VAV2: variants seen among roughly 807,000 people sequenced by gnomAD.
The protein encoded by VAV2 is vav guanine nucleotide exchange factor 2, also known as guanine nucleotide exchange factor VAV2.
VAV2 carries 67 observed loss-of-function variants against 132.5 expected under a neutral mutation model. The observed-to-expected ratio is 0.51, with a 90% CI of 0.42 to 0.62. The LOEUF (loss-of-function observed/expected upper bound fraction) is 0.62, where lower values mean the gene tolerates loss of function less well. Ranked by LOEUF, VAV2 falls within the 20% of genes least tolerant of loss-of-function variation. The pLI is 0.00. For synonymous variants in VAV2, 492 were observed against 443.5 expected, an observed-to-expected ratio of 1.11 and a Z score of -1.37; for missense variants, 938 against 1,153.6, an observed-to-expected ratio of 0.81 and a Z score of 2.71.
intron 2 of VAV2, among the ~76,000 whole-genome samples, chr9:133,866,558 C>T (rs1424204573): frequency 6.6e-6 from 1 of 152,112 alleles, no homozygotes; most frequent in African/African-American, 2.4e-5. Flanking sequence ...AATCCCAGCA[C>T]TTTGGGAGAC....
At chr9:133,947,812 CAG>C (rs980752163) in intron 1 of VAV2, among the ~76,000 whole-genome samples, 3 of 151,848 alleles carry the variant, frequency 2.0e-5, no homozygotes, top group African/African-American at 7.3e-5. Context: ...GTGTGTGAGA[CAG>C]AGTCTCACTG....
At chr9:133,812,053 G>A in intron 5 of VAV2, 61 bp downstream of exon 5, 1 of 1,550,218 alleles carries the variant, frequency 6.5e-7, no homozygotes, top group Non-Finnish European at 8.9e-7. Context: ...TGTTAAGCAA[G>A]GGCCAGGCTG....
chr9:133,779,137 T>G (rs1833916828), intron 21 of VAV2, among the ~76,000 whole-genome samples: 1 of 152,272 alleles, frequency 6.6e-6, no homozygotes, highest in South Asian at 2.1e-4. Flanking sequence ...GATGGCACTT[T>G]GTGTTTTCTT....
At chr9:133,983,642 ACT>A (rs138520498) in intron 1 of VAV2, among the ~76,000 whole-genome samples, 7,057 of 151,524 alleles carry the variant, frequency 0.047, 212 homozygotes, top group African/African-American at 0.072. Flanking sequence ...TCGGCAGAGA[ACT>A]CTCTCTCTTC....
rs531506140 is a variant in VAV2, at chr9:133,803,701, C to T, written c.836+2380G>A. Among the ~76,000 whole-genome samples the T allele has an allele frequency of 2.0e-4, 30 of 152,328 alleles. No homozygotes were observed. The South Asian group carries it at 2.9e-3, about 15-fold the overall frequency. On this transcript the variant is annotated intron_variant, in intron 9 of 29. Coordinates refer to ENST00000371850, the MANE Select transcript of VAV2 (RefSeq NM_001134398.2). Reference sequence around the variant, plus strand: ...CCACTCAGTGCCGATCATGCCACACCGGAATGCTACTCCACCCTTCACCCC... The same window carrying T: ...CCACTCAGTGCCGATCATGCCACACTGGAATGCTACTCCACCCTTCACCCC...
At chr9:133,967,916 G>A (rs1239727340) in intron 1 of VAV2, among the ~76,000 whole-genome samples, 2 of 109,914 alleles carry the variant, frequency 1.8e-5, no homozygotes, top group African/African-American at 3.5e-5. Flanking sequence ...CTGGGCAACA[G>A]AGGAAGACTC....
At chr9:133,861,517 C>T (rs374599855) in intron 2 of VAV2, 85 bp from the exon 3 acceptor site, 94 of 1,478,758 alleles carry the variant, frequency 6.4e-5, no homozygotes, top group Admixed American at 5.8e-4. Context: ...CTTTGCAGGA[C>T]GTCGAGAACT....
intron 2 of VAV2, among the ~76,000 whole-genome samples, chr9:133,900,209 A>C (rs1257260896): frequency 1.3e-5 from 2 of 151,946 alleles, no homozygotes; most frequent in Non-Finnish European, 2.9e-5. Flanking sequence ...AAAAAAACCA[A>C]AGAAGAAAGA....
intron 2 of VAV2, among the ~76,000 whole-genome samples, chr9:133,870,273 G>A (rs73662317): frequency 1.3e-5 from 2 of 152,284 alleles, no homozygotes; most frequent in African/African-American, 4.8e-5. Flanking sequence ...TGCAGGAAGA[G>A]AGGTGGGAGC....
chr9:133,814,499 AG>A lies in VAV2; in HGVS notation c.450-2284del, dbSNP rs1415971678. Among the ~76,000 whole-genome samples the A allele has an allele frequency of 5.3e-5, 8 of 152,360 alleles. No individual in the cohort carries two copies. The East Asian group carries it at 7.7e-4, about 15-fold the overall frequency. On this transcript the variant is annotated intron_variant, in intron 4 of 29. Transcript: ENST00000371850. ...CCAGGCTGCTGAACGAGACAACTCG[AG>A]GGCAGATGAGGCCACTCAGACTGTC... is the stretch of plus-strand genomic sequence containing the variant.
rs749899069 is a variant in VAV2 at position 133,764,052 on chromosome 9, G to A, written c.*10C>T. On this transcript the variant is annotated 3_prime_UTR_variant, in exon 30 of 30. Transcript: ENST00000371850. Reference sequence around the variant, plus strand: ...AAGAAAATCTGCGAGTCTTGTCCACGTTCCTGCCGTCACTGGATGCCCTCC... The same window carrying A: ...AAGAAAATCTGCGAGTCTTGTCCACATTCCTGCCGTCACTGGATGCCCTCC... 1.6e-5 allele frequency: 26 copies of A among 1,613,920 alleles called. No homozygotes were observed. The highest frequency in any genetic ancestry group is 1.6e-4 in the Middle Eastern group (1 of 6,084).
intron 2 of VAV2, among the ~76,000 whole-genome samples, chr9:133,882,724 C>T (rs1465349113): frequency 5.9e-5 from 9 of 152,078 alleles, no homozygotes; most frequent in African/African-American, 1.2e-4. Flanking sequence ...AGAGAGTGGA[C>T]GCCAGAAAAA....
chr9:133,904,791 A>G (rs1490507182), intron 2 of VAV2, among the ~76,000 whole-genome samples: 1 of 152,222 alleles, frequency 6.6e-6, no homozygotes, highest in African/African-American at 2.4e-5. Flanking sequence ...CCTCCCCAAG[A>G]AGGCCCCAGA....
In VAV2 at chr9:133,962,619, C is replaced by CT. The variant is rs545004563; in HGVS notation, c.205-23401_205-23400insA. Among the ~76,000 whole-genome samples, 91 of 152,288 alleles carry CT rather than the reference C, an allele frequency of 6.0e-4. 1 individual carries two copies. Among genetic ancestry groups the CT allele is most frequent in the Admixed American group, 4.6e-3 (71 of 15,296 alleles). The stretch of plus-strand genomic sequence containing the variant: ...AGCACAGTTAGCAGAAGCCCCTCCC[C>CT]GCCCCACCCCCCACAAAGCTCCCGG... On this transcript the variant is annotated intron_variant, in intron 1 of 29. Coordinates refer to ENST00000371850, the MANE Select transcript of VAV2 (RefSeq NM_001134398.2).
At chr9:133,841,079 A>G (rs1836702926) in intron 3 of VAV2, among the ~76,000 whole-genome samples, 2 of 152,084 alleles carry the variant, frequency 1.3e-5, no homozygotes, top group Non-Finnish European at 2.9e-5. Flanking sequence ...AGAGGACCCT[A>G]AACACAGCTG....
At chr9:133,873,241 A>G (rs1564424759) in intron 2 of VAV2, among the ~76,000 whole-genome samples, 1 of 152,214 alleles carries the variant, frequency 6.6e-6, no homozygotes, top group East Asian at 1.9e-4. Flanking sequence ...TGAGCAAAAC[A>G]GTACAGAGGC....
chr9:133,770,586 T>A, intron 26 of VAV2, 85 bp from the exon 27 acceptor site: 1 of 1,566,798 alleles, frequency 6.4e-7, no homozygotes, highest in Admixed American at 1.7e-5. Context: ...TCCCACCTCT[T>A]GGTTCATGTG....
At chr9:133,931,487 C>CCTCCCTTCTCT (rs1418021372) in intron 2 of VAV2, among the ~76,000 whole-genome samples, 3 of 152,164 alleles carry the variant, frequency 2.0e-5, no homozygotes, top group Non-Finnish European at 4.4e-5. Context: ...TCCTTTCTTC[C>CCTCCCTTCTCT]CTCCCTTCTG....
rs1042199085 is a variant in VAV2, at chr9:133,857,945, C to T, written c.380+3429G>A. Among the ~76,000 whole-genome samples the T allele has an allele frequency of 2.0e-5, 3 of 152,224 alleles. No homozygotes were observed. Among genetic ancestry groups the T allele is most frequent in the African/African-American group, 4.8e-5 (2 of 41,462 alleles). On this transcript the variant is annotated intron_variant, in intron 3 of 29. Coordinates refer to ENST00000371850, the MANE Select transcript of VAV2 (RefSeq NM_001134398.2). The surrounding 1 kb of genome is among the most constrained non-coding windows in gnomAD (Gnocchi z 4.0). ...CTGCAGAGGTCTTCCTGCAAAGCCT[C>T]GCTCTGCGCCCAGGAGGCCCTTCCC...
Sources: gnomAD v4.1 joint callset for allele counts (sites outside exome capture counted in the v4.1 genomes callset) on GRCh38, gnomAD v4.1.1 for gene constraint, Gnocchi (gnomAD v3.1) non-coding constraint, MANE v1.5 for transcripts, NCBI Gene and HGNC (gene_info 2026-07-23, HGNC 2026-07-21) for gene names.